Variants in ABCB10 observed in about 807,000 individuals in gnomAD.
ABCB10 encodes the protein ATP-binding cassette sub-family B member 10, mitochondrial.
A neutral mutation model predicts 65.4 loss-of-function variants in ABCB10; 54 were observed. That is an observed-to-expected ratio of 0.83 (90% CI 0.66 to 1.04). ABCB10 has a LOEUF of 1.04. ABCB10 is among the 50% of genes least tolerant of loss of function. The pLI is 0.00. For missense variants in ABCB10, 846 were observed against 976.6 expected, an observed-to-expected ratio of 0.87 and a Z score of 1.78; for synonymous variants, 418 against 406.5, an observed-to-expected ratio of 1.03 and a Z score of -0.34.
rs1179804653 is a variant in ABCB10 at position 229,558,492 on chromosome 1, G to C, written c.161C>G (p.Ala54Gly). The change falls in exon 1 of 13, where the codon GCG (alanine) becomes GGG (glycine). Residue 54 changes from alanine (A) to glycine (G), a missense_variant. By Grantham distance (60) the Ala-to-Gly change is moderately conservative. Around this residue, in one of 2 missense-constraint regions of ABCB10, gnomAD observed 214 missense variants for 173.5 expected, o/e 1.23. Transcript: ENST00000344517. The stretch of plus-strand genomic sequence containing the variant: ...AACGCCCCAGAGCAGCGCGGGCCCC[G>C]CGCCCCATAGCCGCGCCGGCCTCAG... ...TGLRPARLWG[A>G]GPALLWGVGA... is the part of the protein sequence containing the mutation. 5 of 1,313,296 alleles carry C rather than the reference G, an allele frequency of 3.8e-6. No individual in the cohort carries two copies. The highest frequency in any genetic ancestry group is 6.8e-5 in the East Asian group (2 of 29,604). 81.4% of individuals were successfully genotyped at this position (1,313,296 alleles called of 1,614,324 possible). A position where few individuals can be genotyped will look rare whatever the true frequency, so the allele number is the denominator to read the frequency against.
chr1:229,518,399 G>C lies in ABCB10; in HGVS notation c.1997C>G (p.Ala666Gly). Residue 666 changes from alanine to glycine, a missense_variant, in exon 13 of 13, where the codon GCC becomes GGC. Ala to Gly is a moderately conservative substitution (Grantham distance 60). Coordinates refer to ENST00000344517, the MANE Select transcript of ABCB10 (RefSeq NM_012089.3). Reference sequence around the variant, plus strand: ...TTCTTGAACAAGGTACTCATTTTCGGCATCCAGCGCACTGACACAGGAGCA... The same window carrying C: ...TTCTTGAACAAGGTACTCATTTTCGCCATCCAGCGCACTGACACAGGAGCA... ...LLDEATSALD[A>G]ENEYLVQEAL... 6.2e-7 allele frequency: 1 copy of C among 1,614,034 alleles called. No individual in the cohort carries two copies. The highest frequency in any genetic ancestry group is 8.5e-7 in the Non-Finnish European group (1 of 1,179,978).
intron 10 of ABCB10, 89 bp from the exon 11 acceptor site, chr1:229,521,724 C>T (rs2102681830): frequency 1.4e-6 from 2 of 1,388,802 alleles, no homozygotes; most frequent in Admixed American, 2.0e-5. Flanking sequence ...AATTTGAAGG[C>T]AAGCTTCTTC....
At chr1:229,554,813 C>T (rs1476598297) in intron 1 of ABCB10, among the ~76,000 whole-genome samples, 1 of 152,182 alleles carries the variant, frequency 6.6e-6, no homozygotes, top group Non-Finnish European at 1.5e-5. Flanking sequence ...TGCGGGATCT[C>T]CATCCTCACT....
At chr1:229,525,655 A>G (rs1388722696) in intron 10 of ABCB10, among the ~76,000 whole-genome samples, 1 of 152,172 alleles carries the variant, frequency 6.6e-6, no homozygotes, top group East Asian at 1.9e-4. Flanking sequence ...CCTGGCTAAC[A>G]CGGTGAAACC....
At chr1:229,532,373 A>G (rs901580559) in intron 6 of ABCB10, among the ~76,000 whole-genome samples, 3 of 152,240 alleles carry the variant, frequency 2.0e-5, no homozygotes, top group Non-Finnish European at 4.4e-5. Flanking sequence ...CCTAGTTAAA[A>G]GCATTGTAAT....
chr1:229,548,344 C>T (rs993238052), intron 2 of ABCB10, among the ~76,000 whole-genome samples: 8 of 152,148 alleles, frequency 5.3e-5, no homozygotes, highest in Non-Finnish European at 1.2e-4. Context: ...AGTTTTATTA[C>T]ATTAACTTCC....
rs892994535 is a variant in ABCB10, at chr1:229,558,476, G to A, written c.177C>T (p.Leu59=). ...ARLWGAGPAL[L]WGVGAARRWR... ...AGCGGCGCGCGGCTCCAACGCCCCAGAGCAGCGCGGGCCCCGCGCCCCATA... is the reference window on the plus strand; with the variant it reads ...AGCGGCGCGCGGCTCCAACGCCCCAAAGCAGCGCGGGCCCCGCGCCCCATA... Residue 59 remains leucine, a synonymous_variant, in exon 1 of 13, where the codon CTC becomes CTT. Coordinates refer to ENST00000344517, the MANE Select transcript of ABCB10 (RefSeq NM_012089.3). 7.8e-7 allele frequency: 1 copy of A among 1,281,144 alleles called. No individual in the cohort carries two copies. Among genetic ancestry groups the A allele is most frequent in the Non-Finnish European group, 9.9e-7 (1 of 1,014,802 alleles). The allele number at this position is 1,281,144 out of a possible 1,614,324, so 79.4% of individuals were successfully genotyped here.
intron 6 of ABCB10, among the ~76,000 whole-genome samples, chr1:229,534,404 T>G (rs372999055): frequency 5.9e-5 from 9 of 152,142 alleles, no homozygotes; most frequent in East Asian, 5.8e-4. Context: ...AGAAAAAAAT[T>G]CATTCGGTCA....
At chr1:229,521,344 T>G (rs912134573) in intron 11 of ABCB10, among the ~76,000 whole-genome samples, 5 of 152,130 alleles carry the variant, frequency 3.3e-5, no homozygotes, top group Admixed American at 1.3e-4. Flanking sequence ...GGTCCATGTG[T>G]TAAATTCTTC....
chr1:229,543,910 G>A (rs1012296758), intron 3 of ABCB10, among the ~76,000 whole-genome samples: 2 of 152,132 alleles, frequency 1.3e-5, no homozygotes, highest in Admixed American at 6.6e-5. Flanking sequence ...GAGACCAACA[G>A]GGCAGGTCTA....
intron 1 of ABCB10, among the ~76,000 whole-genome samples, chr1:229,553,761 C>T (rs1663173227): frequency 6.6e-6 from 1 of 151,492 alleles, no homozygotes; most frequent in African/African-American, 2.4e-5. Context: ...GTTAGGCATT[C>T]GTTATCTTAA....
chr1:229,558,366 C>T lies in ABCB10; in HGVS notation c.287G>A (p.Gly96Asp), dbSNP rs1179788970. 2 of 1,251,804 alleles carry T rather than the reference C, an allele frequency of 1.6e-6. No homozygotes were observed. The highest frequency in any genetic ancestry group is 1.6e-5 in the African/African-American group (1 of 62,726). The allele number at this position is 1,251,804 out of a possible 1,614,324, so 77.5% of individuals were successfully genotyped here. A position where few individuals can be genotyped will look rare whatever the true frequency, so the allele number is the denominator to read the frequency against. Reference protein sequence around the residue: ...LARLLGLWARGPGSCRCGAFA... With the variant: ...LARLLGLWARDPGSCRCGAFA... ...AGCCCCGCACCTGCAGCTGCCGGGG[C>T]CGCGAGCCCACAGCCCCAGGAGCCG... Residue 96 changes from glycine (G) to aspartate (D), a missense_variant, in exon 1 of 13, where the codon GGC becomes GAC. This residue lies in a region of ABCB10 where 214 missense variants were observed against 173.5 expected (regional missense o/e 1.23). Transcript: ENST00000344517.
chr1:229,549,473 A>G (rs751521858), intron 1 of ABCB10, 39 bp from the exon 2 acceptor site: 1 of 1,585,466 alleles, frequency 6.3e-7, no homozygotes, highest in African/African-American at 1.3e-5. Context: ...AGGTTGCTTC[A>G]GCAAAGGGGC....
chr1:229,548,952 C>T (rs546793589), intron 2 of ABCB10, among the ~76,000 whole-genome samples: 1 of 152,268 alleles, frequency 6.6e-6, no homozygotes, highest in Non-Finnish European at 1.5e-5. Context: ...TGAGCCACGG[C>T]ACCCAGCCCG....
intron 1 of ABCB10, among the ~76,000 whole-genome samples, chr1:229,554,861 C>T (rs1373382762): frequency 6.6e-6 from 1 of 152,182 alleles, no homozygotes; most frequent in Non-Finnish European, 1.5e-5. Context: ...TCCTTGCCCA[C>T]CATACCCACT....
At position 229,555,826 on chromosome 1, in the gene ABCB10, T is replaced by A. The variant is rs12069036; in HGVS notation, c.517+2310A>T. On this transcript the variant is annotated intron_variant, in intron 1 of 12. Transcript: ENST00000344517. The stretch of plus-strand genomic sequence containing the variant: ...GAATGATAAATTACACATTTTTTTT[T>A]AATTACAAATTAACAATGACCACCA... Among the ~76,000 whole-genome samples, 329 of 152,274 alleles carry A rather than the reference T, an allele frequency of 2.2e-3. 2 individuals are homozygous for A. The highest frequency in any genetic ancestry group is 7.3e-3 in the African/African-American group (304 of 41,552).
intron 1 of ABCB10, among the ~76,000 whole-genome samples, chr1:229,550,242 T>C (rs1400561667): frequency 1.3e-5 from 2 of 152,150 alleles, no homozygotes; most frequent in African/African-American, 4.8e-5. Flanking sequence ...AGAGAAAATA[T>C]TGGCTTGGCA....
In ABCB10 at chr1:229,549,473, A is replaced by C. The variant is rs751521858; in HGVS notation, c.518-39T>G. ...GCACTCTCAATGTTCAGGTTGCTTC[A>C]GCAAAGGGGCTGCGGTGCTGAGTCC... On this transcript the variant is annotated intron_variant, in intron 1 of 12. Transcript: ENST00000344517. 10 of 1,585,466 alleles carry C rather than the reference A, an allele frequency of 6.3e-6. No homozygotes were observed. In the South Asian group the frequency reaches 1.1e-4, roughly 18 times the overall value.
chr1:229,522,905 A>G (rs1311911615), intron 10 of ABCB10, among the ~76,000 whole-genome samples: 2 of 152,068 alleles, frequency 1.3e-5, no homozygotes, highest in African/African-American at 4.8e-5. Flanking sequence ...GGTGGAGTAC[A>G]GTAGTGCAAT....
Sources: gnomAD v4.1 joint callset for allele counts (sites outside exome capture counted in the v4.1 genomes callset) on GRCh38, gnomAD v4.1.1 for gene constraint, gnomAD v4.1.1 regional missense constraint, MANE v1.5 for transcripts, NCBI Gene and HGNC (gene_info 2026-07-23, HGNC 2026-07-21) for gene names.